Variants in NME5 observed in about 807,000 individuals in gnomAD.
NME5 encodes NME/NM23 family member 5, also known as nucleoside diphosphate kinase 5.
In NME5, 18 loss-of-function variants were observed where a neutral mutation model predicts 21.6. That is an observed-to-expected ratio of 0.83 (90% CI 0.58 to 1.24). The LOEUF (loss-of-function observed/expected upper bound fraction) is 1.24. NME5 is among the 50% of genes most tolerant of loss of function. The pLI is 0.00. For synonymous variants in NME5, 70 were observed against 80.6 expected (o/e 0.87, Z 0.71); for missense variants, 223 against 255.4 (o/e 0.87, Z 0.86).
intron 4 of NME5, among the ~76,000 whole-genome samples, chr5:138,123,985 CTTTTTTTTTTT>C (rs70979583): frequency 2.7e-4 from 10 of 37,212 alleles, no homozygotes; most frequent in Admixed American, 5.3e-4. Context: ...ATTTTGAGCA[CTTTTTTTTTTT>C]TTTTTTTTTT....
intron 5 of NME5, chr5:138,116,552 T>G (rs184237539): frequency 6.6e-6 from 1 of 152,132 alleles, no homozygotes; most frequent in African/African-American, 2.4e-5. Context: ...TGCAGACCAA[T>G]AGAATGGACC....
At chr5:138,135,256 T>C (rs1171110136) in intron 2 of NME5, among the ~76,000 whole-genome samples, 3 of 141,218 alleles carry the variant, frequency 2.1e-5, no homozygotes. Flanking sequence ...TGGCGGAGCT[T>C]GCCGTGAGCC....
At chr5:138,123,485 C>T (rs763686611) in intron 4 of NME5, among the ~76,000 whole-genome samples, 43 of 152,198 alleles carry the variant, frequency 2.8e-4, no homozygotes, top group Admixed American at 4.6e-4. Context: ...CTGTGCCTGG[C>T]TTATTTCACT....
intron 3 of NME5, 155 bp from the exon 4 acceptor site, chr5:138,128,734 A>T: frequency 1.8e-6 from 1 of 556,472 alleles, no homozygotes; most frequent in Non-Finnish European, 3.1e-6. Context: ...ATTTAAGCTT[A>T]TCTATCTAGA....
chr5:138,129,017 G>T (rs1382298407), intron 3 of NME5, among the ~76,000 whole-genome samples: 1 of 152,016 alleles, frequency 6.6e-6, no homozygotes, highest in East Asian at 1.9e-4. Flanking sequence ...AGAGAATAAG[G>T]GTAATCAACT....
intron 4 of NME5, among the ~76,000 whole-genome samples, chr5:138,125,349 A>T (rs1751372806): frequency 6.6e-6 from 1 of 152,226 alleles, no homozygotes; most frequent in Admixed American, 6.5e-5. Flanking sequence ...AAAACTTTGA[A>T]TTAGCCATTT....
intron 3 of NME5, 33 bp from the exon 4 acceptor site, chr5:138,128,612 T>G (rs976568513): frequency 7.5e-6 from 11 of 1,472,816 alleles, no homozygotes; most frequent in Non-Finnish European, 1.0e-5. Flanking sequence ...GTCCATCCAA[T>G]CTAACGTCTA....
chr5:138,127,766 G>T, intron 4 of NME5: 1 of 735,826 alleles, frequency 1.4e-6, no homozygotes, highest in Non-Finnish European at 1.7e-6. Flanking sequence ...GACTTTGTTA[G>T]GCAAACAGTA....
At chr5:138,136,426 TA>T (rs1382746336) in intron 2 of NME5, among the ~76,000 whole-genome samples, 1 of 152,202 alleles carries the variant, frequency 6.6e-6, no homozygotes, top group Non-Finnish European at 1.5e-5. Flanking sequence ...TTCATATATT[TA>T]AAAAATGTTT....
intron 2 of NME5, among the ~76,000 whole-genome samples, chr5:138,130,181 G>A (rs1452677925): frequency 6.6e-6 from 1 of 152,194 alleles, no homozygotes; most frequent in Non-Finnish European, 1.5e-5. Flanking sequence ...ATTTTGGGAG[G>A]CCAAGGCGGA....
In NME5 at chr5:138,115,628, A is replaced by T; in HGVS notation, c.*53T>A. On this transcript the variant is annotated 3_prime_UTR_variant, in exon 6 of 6. Coordinates refer to ENST00000265191, the MANE Select transcript of NME5 (RefSeq NM_003551.3). ...AATAATTTTTTCAAACAGTAGAAGT[A>T]CAGCCTTTTATAATAAGATAGTTCA... The T allele has an allele frequency of 1.8e-6, 2 of 1,121,830 alleles. No homozygotes were observed. Among genetic ancestry groups the T allele is most frequent in the Non-Finnish European group, 2.5e-6 (2 of 786,780 alleles). 69.5% of individuals were successfully genotyped at this position (1,121,830 alleles called of 1,614,324 possible).
intron 2 of NME5, among the ~76,000 whole-genome samples, chr5:138,131,890 C>A (rs1173185543): frequency 1.3e-5 from 2 of 151,966 alleles, no homozygotes; most frequent in Non-Finnish European, 2.9e-5. Flanking sequence ...ATTATAGGTG[C>A]CTGCCACCAT....
chr5:138,138,935 G>T, intron 1 of NME5, 150 bp from the exon 2 acceptor site: 2 of 717,964 alleles, frequency 2.8e-6, no homozygotes, highest in Non-Finnish European at 2.3e-6. Context: ...GGTAGAAACT[G>T]CCATGTTTTT....
chr5:138,120,230 CTTT>C (rs59354099), intron 4 of NME5, among the ~76,000 whole-genome samples: 1 of 87,148 alleles, frequency 1.1e-5, no homozygotes, highest in Non-Finnish European at 2.2e-5. Flanking sequence ...GCTCCCAGCT[CTTT>C]TTTTTTTTTT....
intron 2 of NME5, among the ~76,000 whole-genome samples, chr5:138,136,913 G>A (rs528839242): frequency 5.3e-5 from 8 of 151,510 alleles, no homozygotes; most frequent in African/African-American, 1.9e-4. Context: ...AAAGTTTTGG[G>A]ATTACAGGCA....
intron 5 of NME5, among the ~76,000 whole-genome samples, chr5:138,118,510 G>T (rs889435046): frequency 3.3e-5 from 5 of 151,594 alleles, no homozygotes; most frequent in Admixed American, 6.6e-5. Context: ...TTTTGAGATG[G>T]AGTCTTGCTC....
chr5:138,133,359 CCT>C lies in NME5; in HGVS notation c.130-3893_130-3892del, dbSNP rs149894773. Among the ~76,000 whole-genome samples the C allele has an allele frequency of 8.2e-3, 1,246 of 152,108 alleles. 15 individuals carry two copies. The highest frequency in any genetic ancestry group is 0.029 in the African/African-American group (1,203 of 41,480). On this transcript the variant is annotated intron_variant, in intron 2 of 5. Coordinates refer to ENST00000265191, the MANE Select transcript of NME5 (RefSeq NM_003551.3). ...CTGACCTCATGATCTGCCGCCTCGG[CCT>C]CTCAAAGTGCTGGGATTACAGGCGT...
rs374616645 is a variant in NME5 at position 138,124,182 on chromosome 5, T to C, written c.436+4297A>G. ...TGGCTAATTTTTTGTATTTTTTTTTTAGTAGAGACAGGGCTTCACTTTGTT... is the reference window on the plus strand; with the variant it reads ...TGGCTAATTTTTTGTATTTTTTTTTCAGTAGAGACAGGGCTTCACTTTGTT... On this transcript the variant is annotated intron_variant, in intron 4 of 5. Transcript: ENST00000265191. Among the ~76,000 whole-genome samples the C allele has an allele frequency of 2.0e-5, 3 of 151,596 alleles. No individual in the cohort carries two copies. In the East Asian group the frequency reaches 5.9e-4, roughly 30 times the overall value.
chr5:138,129,302 G>T lies in NME5; in HGVS notation c.296C>A (p.Pro99Gln), dbSNP rs1440372034. ...AISYWLELLG[P>Q]NNSLVAKETH... The stretch of plus-strand genomic sequence containing the variant: ...CTCCTTCGCTACTAAGCTATTATTT[G>T]GTCCCAAAAGTTCTAACCAATAAGA... Residue 99 changes from proline to glutamine, a missense_variant, in exon 3 of 6, where the codon CCA (proline) becomes CAA (glutamine). Coordinates refer to ENST00000265191, the MANE Select transcript of NME5 (RefSeq NM_003551.3). 2.5e-6 allele frequency: 4 copies of T among 1,613,280 alleles called. No homozygotes were observed. Among genetic ancestry groups the T allele is most frequent in the Non-Finnish European group, 3.4e-6 (4 of 1,179,818 alleles).
Sources: gnomAD v4.1 joint callset for allele counts (sites outside exome capture counted in the v4.1 genomes callset) on GRCh38, gnomAD v4.1.1 for gene constraint, MANE v1.5 for transcripts, NCBI Gene and HGNC (gene_info 2026-07-23, HGNC 2026-07-21) for gene names.